MYO1E: variants seen among roughly 807,000 people sequenced by gnomAD.
MYO1E encodes the protein unconventional myosin-Ie.
Under a neutral mutation model 151.1 loss-of-function variants are expected in MYO1E, and 68 were observed. That is an observed-to-expected ratio of 0.45 (90% CI 0.37 to 0.55). The LOEUF (loss-of-function observed/expected upper bound fraction) is 0.55, where lower values mean the gene tolerates loss of function less well. MYO1E is among the 20% of genes least tolerant of loss of function. The pLI is 0.00. For synonymous variants in MYO1E, 601 were observed against 501.7 expected, an observed-to-expected ratio of 1.20 and a Z score of -2.64; for missense variants, 1,363 against 1,389.3, an observed-to-expected ratio of 0.98 and a Z score of 0.30.
At chr15:59,183,636 A>C (rs1171839828) in intron 18 of MYO1E, among the ~76,000 whole-genome samples, 2 of 152,188 alleles carry the variant, frequency 1.3e-5, no homozygotes, top group African/African-American at 4.8e-5. Context: ...CATCATGGAA[A>C]ATGGGGTGTC....
At position 59,134,159 on chromosome 15, in the gene MYO1E, G is replaced by C. The variant is rs190369114; in HGVS notation, c.*3221C>G. ...TGGACATGGTGTGCACACAGGGCAG[G>C]TCCTTTAAGGAGGAAACTGCACGAT... On this transcript the variant is annotated 3_prime_UTR_variant, in exon 28 of 28. Transcript: ENST00000288235. 6.6e-6 allele frequency: 1 copy of C among 152,256 alleles called. No individual in the cohort carries two copies. The highest frequency in any genetic ancestry group is 6.5e-5 in the Admixed American group (1 of 15,280). The allele number at this position is 152,256 out of a possible 1,614,324, so 9.4% of individuals were successfully genotyped here.
At chr15:59,161,270 A>C (rs1248043109) in intron 23 of MYO1E, 40 bp from the exon 24 acceptor site, 1 of 1,606,918 alleles carries the variant, frequency 6.2e-7, no homozygotes, top group Admixed American at 1.7e-5. Flanking sequence ...CGAAGGACGC[A>C]GTGAGAAAAC....
At chr15:59,285,826 C>T (rs866906631) in intron 1 of MYO1E, among the ~76,000 whole-genome samples, 5 of 152,138 alleles carry the variant, frequency 3.3e-5, no homozygotes, top group South Asian at 2.1e-4. Context: ...TCATACAGGT[C>T]GGCACAAAAG....
intron 22 of MYO1E, among the ~76,000 whole-genome samples, chr15:59,171,467 G>A (rs1416927260): frequency 2.0e-5 from 3 of 152,136 alleles, no homozygotes; most frequent in Non-Finnish European, 4.4e-5. Flanking sequence ...ACTCCCTAAG[G>A]AAGTCCCAAA....
chr15:59,326,271 G>A (rs992771255), intron 1 of MYO1E, among the ~76,000 whole-genome samples: 1 of 152,128 alleles, frequency 6.6e-6, no homozygotes, highest in African/African-American at 2.4e-5. Flanking sequence ...CGTAATTCCA[G>A]CACTTTGGGA....
chr15:59,157,018 T>C (rs2079513048), intron 25 of MYO1E, among the ~76,000 whole-genome samples: 1 of 150,054 alleles, frequency 6.7e-6, no homozygotes, highest in Admixed American at 6.6e-5. Flanking sequence ...AACCTAGGAG[T>C]TCAAGACCAG....
chr15:59,144,090 G>C (rs1431508171), intron 26 of MYO1E, among the ~76,000 whole-genome samples: 25 of 152,230 alleles, frequency 1.6e-4, no homozygotes, highest in Admixed American at 1.6e-3. Flanking sequence ...TTGGGGCCAA[G>C]CTCTGCATCT....
chr15:59,332,734 T>G (rs1254511318), intron 1 of MYO1E, among the ~76,000 whole-genome samples: 1 of 152,120 alleles, frequency 6.6e-6, no homozygotes, highest in Non-Finnish European at 1.5e-5. Flanking sequence ...TTAATTTAAT[T>G]TTTTAGAGAC....
intron 1 of MYO1E, among the ~76,000 whole-genome samples, chr15:59,291,489 A>G (rs772274105): frequency 2.0e-5 from 3 of 150,798 alleles, no homozygotes; most frequent in South Asian, 2.1e-4. Flanking sequence ...CAAACAAACA[A>G]AAGCACATTT....
chr15:59,246,324 G>A (rs1415062080), intron 4 of MYO1E, among the ~76,000 whole-genome samples: 1 of 152,052 alleles, frequency 6.6e-6, no homozygotes, highest in African/African-American at 2.4e-5. Flanking sequence ...CACCATGTTG[G>A]CCAGGCTGGT....
intron 26 of MYO1E, among the ~76,000 whole-genome samples, chr15:59,146,278 T>C (rs2079441144): frequency 6.6e-6 from 1 of 152,180 alleles, no homozygotes; most frequent in Admixed American, 6.5e-5. Context: ...AATCGTGTTA[T>C]AAAAATAATT....
chr15:59,319,349 T>C (rs1434880532), intron 1 of MYO1E, among the ~76,000 whole-genome samples: 3 of 151,838 alleles, frequency 2.0e-5, no homozygotes, highest in African/African-American at 7.3e-5. Flanking sequence ...AAACATGAAG[T>C]TTCTGTAATA....
intron 5 of MYO1E, among the ~76,000 whole-genome samples, chr15:59,234,670 A>T (rs1160306884): frequency 6.6e-6 from 1 of 151,966 alleles, no homozygotes; most frequent in African/African-American, 2.4e-5. Context: ...AAACAAACAA[A>T]AATTAGCCAG....
At chr15:59,171,632 A>ATGG (rs1231435257) in intron 22 of MYO1E, among the ~76,000 whole-genome samples, 1 of 152,158 alleles carries the variant, frequency 6.6e-6, no homozygotes, top group Non-Finnish European at 1.5e-5. Flanking sequence ...CATTTCTAAC[A>ATGG]CGTTTCGGTT....
At chr15:59,214,380 G>C in intron 11 of MYO1E, 66 bp from the exon 12 acceptor site, 1 of 1,234,366 alleles carries the variant, frequency 8.1e-7, no homozygotes, top group South Asian at 1.2e-5. Context: ...TTTCTGGAGT[G>C]ATTTATTGAA....
chr15:59,208,080 G>A (rs1204414236), intron 14 of MYO1E: 4 of 1,564,938 alleles, frequency 2.6e-6, no homozygotes, highest in Non-Finnish European at 3.4e-6. Flanking sequence ...ATAAGCTTAA[G>A]CTTTAAAGTT....
chr15:59,216,809 C>T (rs1160645220), intron 10 of MYO1E, among the ~76,000 whole-genome samples: 1 of 150,960 alleles, frequency 6.6e-6, no homozygotes, highest in African/African-American at 2.4e-5. Context: ...AAGGTGGAGC[C>T]TCATTCCCCT....
chr15:59,324,674 AC>A (rs2080652140), intron 1 of MYO1E, among the ~76,000 whole-genome samples: 1 of 116,306 alleles, frequency 8.6e-6, no homozygotes, highest in Non-Finnish European at 1.8e-5. Flanking sequence ...CCCCCCCCCC[AC>A]AGAGGGCAGC....
chr15:59,312,075 A>G (rs2080555955), intron 1 of MYO1E, among the ~76,000 whole-genome samples: 1 of 152,182 alleles, frequency 6.6e-6, no homozygotes, highest in Non-Finnish European at 1.5e-5. Context: ...ACACTCAGCA[A>G]TATATTTTCT....
Sources: gnomAD v4.1 joint callset for allele counts (sites outside exome capture counted in the v4.1 genomes callset) on GRCh38, gnomAD v4.1.1 for gene constraint, MANE v1.5 for transcripts, NCBI Gene and HGNC (gene_info 2026-07-23, HGNC 2026-07-21) for gene names.